The following SYNJ1 variants were observed in gnomAD, a reference collection of about 807,000 sequenced individuals.
SYNJ1 encodes the protein polyphosphatidylinositol phosphatase SYNJ1.
Under a neutral mutation model 168.2 loss-of-function variants are expected in SYNJ1, and 78 were observed. That is an observed-to-expected ratio of 0.46 (90% CI 0.39 to 0.56). The LOEUF (loss-of-function observed/expected upper bound fraction) is 0.56, where lower values mean the gene tolerates loss of function less well. SYNJ1 is among the 20% of genes least tolerant of loss of function. The probability of loss-of-function intolerance (pLI) is 0.00; values close to 1 mark genes in which losing one functional copy is unlikely to be tolerated. For synonymous variants in SYNJ1, 539 were observed against 548.6 expected, an observed-to-expected ratio of 0.98 and a Z score of 0.24; for missense variants, 1,303 against 1,597.6, an observed-to-expected ratio of 0.82 and a Z score of 3.14.
At chr21:32,725,893 C>T (rs2043429118) in intron 2 of SYNJ1, among the ~76,000 whole-genome samples, 1 of 152,034 alleles carries the variant, frequency 6.6e-6, no homozygotes, top group African/African-American at 2.4e-5. Context: ...CAAGCTGGAG[C>T]GCAGTGGCGA....
At chr21:32,700,966 TTGAAA>T (rs2042380447) in intron 3 of SYNJ1, among the ~76,000 whole-genome samples, 1 of 152,194 alleles carries the variant, frequency 6.6e-6, no homozygotes, top group Non-Finnish European at 1.5e-5. Flanking sequence ...TAGTATAAAG[TTGAAA>T]TTGAGCAATG....
In SYNJ1 at chr21:32,700,458, C is replaced by T. The variant is rs973318123; in HGVS notation, c.212-353G>A. 3.9e-5 allele frequency among the ~76,000 whole-genome samples: 6 copies of T among 152,128 alleles called. No individual in the cohort carries two copies. In the Middle Eastern group the frequency reaches 0.014, roughly 345 times the overall value. ...TCACCTGAGGCCGGGAATTAAAGAC[C>T]ACCCTGACTAACATGGAGAAACCCC... On this transcript the variant is annotated intron_variant, in intron 3 of 32. Coordinates refer to ENST00000674351, the MANE Select transcript of SYNJ1 (RefSeq NM_203446.3).
intron 1 of SYNJ1, 98 bp from the exon 2 acceptor site, chr21:32,727,015 T>C (rs1376900771): frequency 6.7e-7 from 1 of 1,491,924 alleles, no homozygotes; most frequent in Non-Finnish European, 9.0e-7. Flanking sequence ...CAGGTTTTGA[T>C]GGGGGGTTGG....
At chr21:32,644,772 T>C (rs1413156301) in intron 26 of SYNJ1, among the ~76,000 whole-genome samples, 196 bp downstream of exon 26, 1 of 152,110 alleles carries the variant, frequency 6.6e-6, no homozygotes, top group Non-Finnish European at 1.5e-5. Context: ...ACCACATTTA[T>C]TAAAAAAAAA....
rs1415681828 is a variant in SYNJ1 at position 32,666,531 on chromosome 21, T to C, written c.1854A>G (p.Thr618=). 1.2e-6 allele frequency: 2 copies of C among 1,613,998 alleles called. No individual in the cohort carries two copies. Among genetic ancestry groups the C allele is most frequent in the African/African-American group, 1.3e-5 (1 of 74,940 alleles). ...QKLWAVELQK[T]ISRDNKYVLL... ...GCACATACTTGTTGTCTCTGGAGATTGTCTTCTGAAGTTCTACAGCCCAGA... is the reference window on the plus strand; with the variant it reads ...GCACATACTTGTTGTCTCTGGAGATCGTCTTCTGAAGTTCTACAGCCCAGA... The change falls in exon 16 of 33, where the codon ACA becomes ACG. Residue 618 remains threonine, a synonymous_variant. Transcript: ENST00000674351.
chr21:32,631,219 A>G lies in SYNJ1; in HGVS notation c.*586T>C. The G allele has an allele frequency of 1.2e-6, 2 of 1,614,170 alleles. No individual in the cohort carries two copies. Among genetic ancestry groups the G allele is most frequent in the Non-Finnish European group, 1.7e-6 (2 of 1,180,032 alleles). On this transcript the variant is annotated 3_prime_UTR_variant, in exon 33 of 33. Transcript: ENST00000674351. ...GGCTGATTACCCAGTAAGTCTGAACAAGCTGACTTTGACTTCCCTTTCACA... is the reference window on the plus strand; with the variant it reads ...GGCTGATTACCCAGTAAGTCTGAACGAGCTGACTTTGACTTCCCTTTCACA...
intron 6 of SYNJ1, among the ~76,000 whole-genome samples, chr21:32,694,021 T>C (rs1323830636): frequency 6.6e-6 from 1 of 152,192 alleles, no homozygotes; most frequent in Non-Finnish European, 1.5e-5. Context: ...TCAATTTCAA[T>C]GGCTATTTGA....
At chr21:32,662,577 A>G (rs1385923847) in intron 18 of SYNJ1, among the ~76,000 whole-genome samples, 1 of 152,204 alleles carries the variant, frequency 6.6e-6, no homozygotes, top group Non-Finnish European at 1.5e-5. Flanking sequence ...AGTATTAGCC[A>G]AAACAGAAGA....
intron 26 of SYNJ1, among the ~76,000 whole-genome samples, chr21:32,643,864 A>G (rs2039953770): frequency 6.6e-6 from 1 of 152,230 alleles, no homozygotes; most frequent in South Asian, 2.1e-4. Context: ...TTTTGAAGTT[A>G]GTTTTTGATG....
chr21:32,646,300 T>C (rs1455035968), intron 24 of SYNJ1, 93 bp downstream of exon 24: 1 of 1,291,478 alleles, frequency 7.7e-7, no homozygotes, highest in Non-Finnish European at 1.1e-6. Context: ...GGGTGCACTT[T>C]ATCACCTAGG....
chr21:32,639,826 A>T (rs774821806), intron 29 of SYNJ1, 47 bp from the exon 30 acceptor site: 2 of 1,504,666 alleles, frequency 1.3e-6, no homozygotes, highest in East Asian at 2.3e-5. Flanking sequence ...TACCTTCCAC[A>T]GGTAAAATTC....
In SYNJ1 at chr21:32,656,730, G is replaced by A; in HGVS notation, c.2752C>T (p.Leu918Phe). Residue 918 changes from leucine to phenylalanine, a missense_variant, in exon 21 of 33, where the codon CTT becomes TTT. By Grantham distance (22) the Leu-to-Phe change is conservative. This residue lies in a region of SYNJ1 where 920 missense variants were observed against 1,208.8 expected (regional missense o/e 0.76). Coordinates refer to ENST00000674351, the MANE Select transcript of SYNJ1 (RefSeq NM_203446.3). ...NFFDDALIDE[L>F]LQQFASFGEV... The stretch of plus-strand genomic sequence containing the variant: ...CCAAAACTTGCAAACTGCTGCAGAA[G>A]CTCATCAATCAAGGCATCATCAAAA... 6.2e-7 allele frequency: 1 copy of A among 1,613,934 alleles called. No homozygotes were observed. The highest frequency in any genetic ancestry group is 1.1e-5 in the South Asian group (1 of 91,074).
chr21:32,708,645 T>C (rs1012438739), intron 2 of SYNJ1, among the ~76,000 whole-genome samples: 35 of 152,216 alleles, frequency 2.3e-4, no homozygotes, highest in African/African-American at 7.7e-4. Context: ...GTTTCTGCTA[T>C]AACACCTCAG....
chr21:32,698,236 T>G (rs1456971263), intron 4 of SYNJ1, among the ~76,000 whole-genome samples: 1 of 152,188 alleles, frequency 6.6e-6, no homozygotes, highest in African/African-American at 2.4e-5. Context: ...TTCTGTCCAC[T>G]CTTCTCCCTG....
At chr21:32,703,598 T>C (rs914109088) in intron 2 of SYNJ1, among the ~76,000 whole-genome samples, 1 of 152,236 alleles carries the variant, frequency 6.6e-6, no homozygotes, top group Non-Finnish European at 1.5e-5. Flanking sequence ...TTATATGCCA[T>C]ATACATTTAA....
intron 6 of SYNJ1, among the ~76,000 whole-genome samples, chr21:32,693,398 T>G (rs1367755199): frequency 1.3e-5 from 2 of 152,340 alleles, no homozygotes; most frequent in African/African-American, 2.4e-5. Flanking sequence ...TTAATCCTTG[T>G]TAACTCTTAG....
At chr21:32,645,888 C>T (rs2040045075) in intron 24 of SYNJ1, 99 bp from the exon 25 acceptor site, 1 of 1,480,428 alleles carries the variant, frequency 6.8e-7, no homozygotes, top group Admixed American at 1.9e-5. Flanking sequence ...ATAAAATGTG[C>T]ACAATGGTGT....
chr21:32,645,867 T>C (rs1180508071), intron 24 of SYNJ1, 78 bp from the exon 25 acceptor site: 1 of 1,509,780 alleles, frequency 6.6e-7, no homozygotes, highest in Admixed American at 2.0e-5. Context: ...CATATATATG[T>C]GTAATGTTCT....
intron 2 of SYNJ1, among the ~76,000 whole-genome samples, chr21:32,722,139 C>T (rs1210742881): frequency 1.4e-5 from 2 of 145,444 alleles, no homozygotes; most frequent in African/African-American, 5.1e-5. Flanking sequence ...GAGCCGAGAT[C>T]GTGCCATTGC....
Sources: gnomAD v4.1 joint callset for allele counts (sites outside exome capture counted in the v4.1 genomes callset) on GRCh38, gnomAD v4.1.1 for gene constraint, gnomAD v4.1.1 regional missense constraint, MANE v1.5 for transcripts, NCBI Gene and HGNC (gene_info 2026-07-23, HGNC 2026-07-21) for gene names.